NOTCH1: variants seen among roughly 807,000 people sequenced by gnomAD.
NOTCH1 encodes the protein neurogenic locus notch homolog protein 1.
Under a neutral mutation model 254.8 loss-of-function variants are expected in NOTCH1, and 37 were observed. The observed-to-expected ratio is 0.15, with a 90% confidence interval of 0.11 to 0.19. The LOEUF (loss-of-function observed/expected upper bound fraction) is 0.19, where lower values mean the gene tolerates loss of function less well. NOTCH1 is among the 10% of genes least tolerant of loss of function. NOTCH1 has a pLI of 1.00. For missense variants in NOTCH1, 2,972 were observed against 3,708.6 expected (o/e 0.80, Z 5.16); for synonymous variants, 1,731 against 1,618.1 (o/e 1.07, Z -1.68).
Position 136,545,839 on chromosome 9 carries a change from G to T in NOTCH1, c.-53C>A. 1 of 1,034,434 alleles carries T rather than the reference G, an allele frequency of 9.7e-7. No individual in the cohort carries two copies. The highest frequency in any genetic ancestry group is 1.2e-6 in the Non-Finnish European group (1 of 822,054). The allele number at this position is 1,034,434 out of a possible 1,614,324, so 64.1% of individuals were successfully genotyped here. A position where few individuals can be genotyped will look rare whatever the true frequency, so the allele number is the denominator to read the frequency against. On this transcript the variant is annotated 5_prime_UTR_variant, in exon 1 of 34. Coordinates refer to ENST00000651671, the MANE Select transcript of NOTCH1 (RefSeq NM_017617.5). The surrounding 1 kb of genome is among the most constrained non-coding windows in gnomAD (Gnocchi z 6.8). ...CGGGCGGCGGCCTCCTGCGCTGGCC[G>T]GCGGGGCTGGGACGCACACGCGCGG...
At chr9:136,524,719 C>T (rs1349221230) in intron 2 of NOTCH1, among the ~76,000 whole-genome samples, 1 of 148,994 alleles carries the variant, frequency 6.7e-6, no homozygotes, top group Admixed American at 6.8e-5. Context: ...CTCACTGCAA[C>T]CTCTGCCTCC....
rs199892488 is a variant in NOTCH1, at chr9:136,508,359, C to T, written c.3198G>A (p.Ser1066=). 1.9e-4 allele frequency: 307 copies of T among 1,613,096 alleles called. 1 individual carries two copies. The highest frequency in any genetic ancestry group is 8.0e-5 in the African/African-American group (6 of 74,908). ...AGCATTTGCCGCCGTTCTTGCAGGG[C>T]GAGGAGTCACACCAGTGCACAAGGT... is the stretch of plus-strand genomic sequence containing the variant. ...CQNLVHWCDS[S]PCKNGGKCWQ... is the part of the protein sequence containing the mutation. Residue 1066 remains serine, a synonymous_variant, in exon 20 of 34, where the codon TCG becomes TCA. Transcript: ENST00000651671.
In NOTCH1 at chr9:136,513,193, C is replaced by T. The variant is rs919928159; in HGVS notation, c.2354-59G>A. 2.0e-6 allele frequency: 3 copies of T among 1,488,340 alleles called. No individual in the cohort carries two copies. The highest frequency in any genetic ancestry group is 2.8e-6 in the Non-Finnish European group (3 of 1,067,400). The allele number at this position is 1,488,340 out of a possible 1,614,324, so 92.2% of individuals were successfully genotyped here. A position where few individuals can be genotyped will look rare whatever the true frequency, so the allele number is the denominator to read the frequency against. On this transcript the variant is annotated intron_variant, in intron 14 of 33. Coordinates refer to ENST00000651671, the MANE Select transcript of NOTCH1 (RefSeq NM_017617.5). The surrounding 1 kb of genome is among the most constrained non-coding windows in gnomAD (Gnocchi z 4.7). Reference sequence around the variant, plus strand: ...GCACTCCCAGGCACCTTGGCAGGGCCCCACAACAGCAGCCCTGGGCCTGCT... The same window carrying T: ...GCACTCCCAGGCACCTTGGCAGGGCTCCACAACAGCAGCCCTGGGCCTGCT...
At chr9:136,516,725 C>T (rs1843278796) in intron 9 of NOTCH1, among the ~76,000 whole-genome samples, 1 of 152,174 alleles carries the variant, frequency 6.6e-6, no homozygotes, top group African/African-American at 2.4e-5. Context: ...CCCTTCTCTC[C>T]AGGCAGAAGG....
In NOTCH1 at chr9:136,496,379, G is replaced by A. The variant is rs2133315260; in HGVS notation, c.7360C>T (p.His2454Tyr). The A allele has an allele frequency of 6.3e-7, 1 of 1,595,800 alleles. No homozygotes were observed. Among genetic ancestry groups the A allele is most frequent in the Non-Finnish European group, 8.5e-7 (1 of 1,176,962 alleles). ...GGGCTCTCCTGGGGCAGAATAGTGT[G>A]CACCGCCAGGCTGCTGGGGCCCAGT... ...QPLGPSSLAV[H>Y]TILPQESPAL... Residue 2454 changes from histidine to tyrosine, a missense_variant, in exon 34 of 34, where the codon CAC (histidine) becomes TAC (tyrosine). This residue lies in a region of NOTCH1 where 529 missense variants were observed against 529.2 expected (regional missense o/e 1.00). Coordinates refer to ENST00000651671, the MANE Select transcript of NOTCH1 (RefSeq NM_017617.5).
At chr9:136,520,263 C>T (rs898044201) in intron 4 of NOTCH1, among the ~76,000 whole-genome samples, 5 of 152,236 alleles carry the variant, frequency 3.3e-5, no homozygotes, top group Non-Finnish European at 5.9e-5. Context: ...GCCGCCCTCC[C>T]GAGATGCCTT....
intron 13 of NOTCH1, among the ~76,000 whole-genome samples, chr9:136,514,181 T>A (rs1400489645): frequency 6.6e-6 from 1 of 152,152 alleles, no homozygotes; most frequent in Non-Finnish European, 1.5e-5. Context: ...AATGGTCCCA[T>A]CCAGGCAGAG....
At chr9:136,541,575 C>T (rs1843733397) in intron 2 of NOTCH1, among the ~76,000 whole-genome samples, 1 of 152,212 alleles carries the variant, frequency 6.6e-6, no homozygotes, top group South Asian at 2.1e-4. Flanking sequence ...AGCCAGGCCT[C>T]CTGCAGGTGC....
In NOTCH1 at chr9:136,519,571, G is replaced by A. The variant is rs200395304; in HGVS notation, c.743-6C>T. On this transcript the variant is annotated splice_polypyrimidine_tract_variant and splice_region_variant and intron_variant, in intron 4 of 33. Transcript: ENST00000651671. ...ACAGTTCTGGCCGGTGAAGCCTGCCGCAAGAGGGGCCGGGTCAGCCTCTTC... is the reference window on the plus strand; with the variant it reads ...ACAGTTCTGGCCGGTGAAGCCTGCCACAAGAGGGGCCGGGTCAGCCTCTTC... The A allele has an allele frequency of 2.7e-5, 43 of 1,612,666 alleles. No homozygotes were observed. Among genetic ancestry groups the A allele is most frequent in the Non-Finnish European group, 3.3e-5 (39 of 1,179,870 alleles).
chr9:136,535,502 CAGGG>C, intron 2 of NOTCH1, among the ~76,000 whole-genome samples: 2 of 79,340 alleles, frequency 2.5e-5, no homozygotes, highest in Admixed American at 2.5e-4. Context: ...GCAATGGGTG[CAGGG>C]TGGGAGTGGG....
At chr9:136,539,246 G>A (rs1243629128) in intron 2 of NOTCH1, among the ~76,000 whole-genome samples, 2 of 152,184 alleles carry the variant, frequency 1.3e-5, no homozygotes, top group African/African-American at 4.8e-5. Flanking sequence ...CTGTTCAGAG[G>A]CAGGGCCTGC....
In NOTCH1 at chr9:136,498,896, C is replaced by T. The variant is rs371301632; in HGVS notation, c.6180+3G>A. ...TCCCCTGGCATCCCAGCCTCGCGCTCACCCTGTTGTTCTGCATATCTTTGT... is the reference window on the plus strand; with the variant it reads ...TCCCCTGGCATCCCAGCCTCGCGCTTACCCTGTTGTTCTGCATATCTTTGT... On this transcript the variant is annotated splice_donor_region_variant and intron_variant, in intron 33 of 33. Transcript: ENST00000651671. 3 of 1,613,598 alleles carry T rather than the reference C, an allele frequency of 1.9e-6. No individual in the cohort carries two copies. The highest frequency in any genetic ancestry group is 2.2e-5 in the East Asian group (1 of 44,886).
At position 136,496,765 on chromosome 9, in the gene NOTCH1, G is replaced by A. The variant is rs1456893056; in HGVS notation, c.6974C>T (p.Pro2325Leu). 2 of 1,612,884 alleles carry A rather than the reference G, an allele frequency of 1.2e-6. No individual in the cohort carries two copies. The highest frequency in any genetic ancestry group is 1.7e-6 in the Non-Finnish European group (2 of 1,180,006). Residue 2325 changes from proline (P) to leucine (L), a missense_variant, in exon 34 of 34, where the codon CCT becomes CTT. Coordinates refer to ENST00000651671, the MANE Select transcript of NOTCH1 (RefSeq NM_017617.5). ...GCCTGGTGCCACACTCCCCCGCAGA[G>A]GGTTGTATTGGTTCGGCACCATGCC... Reference protein sequence around the residue: ...QSGMVPNQYNPLRGSVAPGPL... With the variant: ...QSGMVPNQYNLLRGSVAPGPL...
Position 136,505,467 on chromosome 9 carries a change from C to A in NOTCH1, c.4429G>T (p.Gly1477Cys). The A allele has an allele frequency of 6.2e-7, 1 of 1,612,844 alleles. No homozygotes were observed. Among genetic ancestry groups the A allele is most frequent in the Non-Finnish European group, 8.5e-7 (1 of 1,180,004 alleles). Reference sequence around the variant, plus strand: ...TCATTGAAGTTGAGGGAGCAGTCACCGCCGTCCCAGCCGCACGCGTGGTTG... The same window carrying A: ...TCATTGAAGTTGAGGGAGCAGTCACAGCCGTCCCAGCCGCACGCGTGGTTG... ...CNNHACGWDG[G>C]DCSLNFNDPW... Residue 1477 changes from glycine (G) to cysteine (C), a missense_variant, in exon 25 of 34, where the codon GGT (glycine) becomes TGT (cysteine). Gly to Cys is a radical substitution (Grantham distance 159). Around this residue, in one of 8 missense-constraint regions of NOTCH1, gnomAD observed 1,343 missense variants for 1,557.0 expected, o/e 0.86. Coordinates refer to ENST00000651671, the MANE Select transcript of NOTCH1 (RefSeq NM_017617.5).
Position 136,494,603 on chromosome 9 carries a change from G to A in NOTCH1, c.*1468C>T, listed in dbSNP as rs1842889587. On this transcript the variant is annotated 3_prime_UTR_variant, in exon 34 of 34. Transcript: ENST00000651671. ...AAAATCAACATCTTGGGACGCATCTGGTCATGCCCCCTGGGGATGGCACCA... is the reference window on the plus strand; with the variant it reads ...AAAATCAACATCTTGGGACGCATCTAGTCATGCCCCCTGGGGATGGCACCA... 5.0e-6 allele frequency: 2 copies of A among 398,844 alleles called. No individual in the cohort carries two copies. Among genetic ancestry groups the A allele is most frequent in the African/African-American group, 2.1e-5 (1 of 48,626 alleles). 24.7% of individuals were successfully genotyped at this position (398,844 alleles called of 1,614,324 possible).
At chr9:136,514,396 C>A in intron 13 of NOTCH1, 114 bp downstream of exon 13, 1 of 1,197,614 alleles carries the variant, frequency 8.3e-7, no homozygotes, top group Non-Finnish European at 1.2e-6. Context: ...CACCCAGCCC[C>A]GTCCGAGGCC....
intron 10 of NOTCH1, 27 bp downstream of exon 10, chr9:136,515,954 T>C: frequency 1.9e-6 from 3 of 1,570,866 alleles, no homozygotes. Flanking sequence ...CCCCAGTCCC[T>C]CCCCGCTGGT....
rs1843720469 is a variant in NOTCH1, at chr9:136,540,683, T to C, written c.140+3341A>G. On this transcript the variant is annotated intron_variant, in intron 2 of 33. Coordinates refer to ENST00000651671, the MANE Select transcript of NOTCH1 (RefSeq NM_017617.5). This position sits in a 1 kb window ranked among gnomAD's most constrained non-coding sequence, Gnocchi z 4.4. ...ACCTGATGACCCAAGGTCACAGAGC[T>C]AGTGGCCAGGCCAGGCCTCAGACAC... Among the ~76,000 whole-genome samples, 1 of 151,704 alleles carries C rather than the reference T, an allele frequency of 6.6e-6. No homozygotes were observed. Among genetic ancestry groups the C allele is most frequent in the Admixed American group, 6.6e-5 (1 of 15,210 alleles).
intron 19 of NOTCH1, among the ~76,000 whole-genome samples, chr9:136,508,618 A>G (rs572126515): frequency 1.1e-4 from 17 of 152,242 alleles, no homozygotes; most frequent in Admixed American, 3.3e-4. Flanking sequence ...TAGAAGGAAC[A>G]CTTTTCCTCA....
Sources: allele counts gnomAD v4.1 joint callset (sites outside exome capture counted in the v4.1 genomes callset), GRCh38; gene constraint gnomAD v4.1.1; regional missense constraint gnomAD v4.1.1; non-coding constraint Gnocchi (gnomAD v3.1); transcripts MANE v1.5; gene names NCBI Gene and HGNC (gene_info 2026-07-23, HGNC 2026-07-21).